Variants in TRIM73 observed in about 807,000 individuals in gnomAD.
TRIM73 encodes the protein tripartite motif-containing protein 73.
For missense variants in TRIM73, 17 were observed against 272.5 expected (o/e 0.06, Z 6.60); for synonymous variants, 8 against 115.4 (o/e 0.07, Z 5.97).
intron 1 of TRIM73, 108 bp from the exon 2 acceptor site, chr7:75,398,806 CAA>C (rs1432659464): frequency 7.7e-7 from 1 of 1,303,960 alleles, no homozygotes; most frequent in Non-Finnish European, 1.0e-6. Flanking sequence ...ATCCAGGACT[CAA>C]AGTGTTTCTT....
intron 2 of TRIM73, chr7:75,402,575 A>G (rs1445169779): frequency 2.9e-4 from 1 of 3,392 alleles, no homozygotes; most frequent in African/African-American, 1.2e-3. Flanking sequence ...TATTTTTAGT[A>G]GAGACAGGGT....
chr7:75,398,680 C>CAA (rs1788923359), intron 1 of TRIM73, among the ~76,000 whole-genome samples: 1 of 44,524 alleles, frequency 2.2e-5, no homozygotes, highest in Admixed American at 3.3e-4. Context: ...TGTAGACACA[C>CAA]ACACACACAC....
intron 1 of TRIM73, among the ~76,000 whole-genome samples, chr7:75,396,099 C>T (rs1158475184): frequency 6.8e-6 from 1 of 148,112 alleles, no homozygotes; most frequent in Non-Finnish European, 1.5e-5. Context: ...CGAGAGCCAC[C>T]TGCCACCAGC....
At chr7:75,396,383 AGTTTTT>A (rs1348463198) in intron 1 of TRIM73, among the ~76,000 whole-genome samples, 1 of 132,726 alleles carries the variant, frequency 7.5e-6, no homozygotes. Context: ...TTTATTTTTT[AGTTTTT>A]AATTTGCTGG....
At chr7:75,402,526 G>A (rs1176677841) in intron 2 of TRIM73, 1 of 6,062 alleles carries the variant, frequency 1.6e-4, no homozygotes, top group Non-Finnish European at 2.8e-4. Context: ...GAGTAGCTGG[G>A]ACTACAGGCG....
chr7:75,405,019 G>C, exon 4 of TRIM73: 1 of 1,613,242 alleles, frequency 6.2e-7, no homozygotes, highest in East Asian at 2.2e-5. Flanking sequence ...GGCCCAAGCC[G>C]AGTGTGTGCT....
chr7:75,404,918 G>T, exon 4 of TRIM73: 1 of 1,551,942 alleles, frequency 6.4e-7, no homozygotes, highest in Non-Finnish European at 8.7e-7. Flanking sequence ...GAGAAGGCCC[G>T]CTGCCTGGAG....
At chr7:75,402,377 A>C (rs1789014958) in intron 2 of TRIM73, 1 of 122,870 alleles carries the variant, frequency 8.1e-6, no homozygotes, top group African/African-American at 3.1e-5. Flanking sequence ...TCCTGCTGTC[A>C]ATGCAGAATA....
At chr7:75,395,753 G>T in exon 1 of TRIM73, 1 of 295,154 alleles carries the variant, frequency 3.4e-6, no homozygotes, top group Non-Finnish European at 5.9e-6. Flanking sequence ...GGCAGGATGG[G>T]GCATCTAACT....
At chr7:75,405,007 C>T in exon 4 of TRIM73, 2 of 1,612,936 alleles carry the variant, frequency 1.2e-6, no homozygotes, top group Non-Finnish European at 1.7e-6. Context: ...CCGGGAGCGG[C>T]TGGCCCAAGC....
chr7:75,398,957 G>A lies in TRIM73; in HGVS notation c.24G>A (p.Leu8=), dbSNP rs73702637. The change falls in exon 2 of 5, where the codon CTG becomes CTA. Residue 8 remains leucine (L), a synonymous_variant. Coordinates refer to ENST00000323819, the Ensembl canonical transcript of TRIM73. ...GGATGGCTTGGCAGGTGAGCCTGCT[G>A]GAGCTGGAGGACCGGCTTCAGTGTC... The A allele has an allele frequency of 3.2e-5, 52 of 1,614,010 alleles. 1 individual carries two copies. In the African/African-American group the frequency reaches 4.8e-4, roughly 15 times the overall value.
At chr7:75,402,431 G>A (rs1235487622) in intron 2 of TRIM73, 2 of 102,674 alleles carry the variant, frequency 1.9e-5, no homozygotes, top group Non-Finnish European at 4.0e-5. Flanking sequence ...TCGCTCTGTC[G>A]CCCAGGCTGG....
chr7:75,396,130 GT>G (rs1788861272), intron 1 of TRIM73, among the ~76,000 whole-genome samples: 1 of 151,066 alleles, frequency 6.6e-6, no homozygotes, highest in Non-Finnish European at 1.5e-5. Context: ...GCTCCCAGCT[GT>G]GGGTTACTTC....
At position 75,399,341 on chromosome 7, in the gene TRIM73, T is replaced by TGAGG. The variant is rs1788958520; in HGVS notation, c.399+11_399+14dup. On this transcript the variant is annotated intron_variant, in intron 2 of 4. Coordinates refer to ENST00000323819, the Ensembl canonical transcript of TRIM73. ...TCTGCAGCCGCATGAAGGTGGGGAG[T>TGAGG]GAGGGTGCAGGCGGGGCGGCGGGGC... 1 of 517,948 alleles carries TGAGG rather than the reference T, an allele frequency of 1.9e-6. No individual in the cohort carries two copies. The highest frequency in any genetic ancestry group is 3.1e-6 in the Non-Finnish European group (1 of 323,138). 32.1% of individuals were successfully genotyped at this position (517,948 alleles called of 1,614,324 possible).
At chr7:75,405,011 C>T in exon 4 of TRIM73, 1 of 1,613,014 alleles carries the variant, frequency 6.2e-7, no homozygotes. Context: ...GAGCGGCTGG[C>T]CCAAGCCGAG....
At chr7:75,402,368 C>G (rs1276440887) in intron 2 of TRIM73, 5 of 117,924 alleles carry the variant, frequency 4.2e-5, no homozygotes, top group African/African-American at 1.3e-4. Context: ...CTGGGAAGTT[C>G]CTGCTGTCAA....
exon 2 of TRIM73, chr7:75,398,968 A>T (rs1788936205): frequency 6.2e-7 from 1 of 1,614,024 alleles, no homozygotes; most frequent in African/African-American, 1.3e-5. Flanking sequence ...GAGCTGGAGG[A>T]CCGGCTTCAG....
Position 75,395,751 on chromosome 7 carries a change from G to A in TRIM73, c.-78G>A, listed in dbSNP as rs1304135751. The A allele has an allele frequency of 1.3e-5, 4 of 298,754 alleles. No individual in the cohort carries two copies. Among genetic ancestry groups the A allele is most frequent in the Non-Finnish European group, 2.3e-5 (4 of 170,552 alleles). The allele number at this position is 298,754 out of a possible 1,614,324, so 18.5% of individuals were successfully genotyped here. On this transcript the variant is annotated 5_prime_UTR_variant, in exon 1 of 5. The change abolishes an upstream ATG in the 5' untranslated region. Coordinates refer to ENST00000323819, the Ensembl canonical transcript of TRIM73. ...GTAATTGGAGCTCGCGGGGCAGGAT[G>A]GGGCATCTAACTGGAGCGACAGAGA...
At chr7:75,396,170 G>A (rs1788864514) in intron 1 of TRIM73, among the ~76,000 whole-genome samples, 1 of 152,246 alleles carries the variant, frequency 6.6e-6, no homozygotes, top group Non-Finnish European at 1.5e-5. Flanking sequence ...CTCTTCCATT[G>A]TATTCTAGAG....
Sources: allele counts gnomAD v4.1 joint callset (sites outside exome capture counted in the v4.1 genomes callset), GRCh38; gene constraint gnomAD v4.1.1; transcripts MANE v1.5; gene names NCBI Gene and HGNC (gene_info 2026-07-23, HGNC 2026-07-21).